Variants in LYPLA1 observed in about 807,000 individuals in gnomAD.
The protein encoded by LYPLA1 is acyl-protein thioesterase 1.
Under a neutral mutation model 34.0 loss-of-function variants are expected in LYPLA1, and 17 were observed. The ratio of observed to expected loss-of-function variants is 0.50; its 90% CI spans 0.34 to 0.75. LYPLA1 has a LOEUF of 0.75. LYPLA1 is among the 30% of genes least tolerant of loss of function. The pLI is 0.01. For synonymous variants in LYPLA1, 98 were observed against 100.8 expected, an observed-to-expected ratio of 0.97 and a Z score of 0.17; for missense variants, 203 against 288.8, an observed-to-expected ratio of 0.70 and a Z score of 2.15.
At chr8:54,063,890 C>A (rs1452435176) in intron 3 of LYPLA1, among the ~76,000 whole-genome samples, 1 of 152,098 alleles carries the variant, frequency 6.6e-6, no homozygotes, top group East Asian at 1.9e-4. Context: ...CAATTCAAGT[C>A]TGTGATTAAA....
At chr8:54,054,972 A>G (rs1413169839) in intron 6 of LYPLA1, 88 bp downstream of exon 6, 2 of 788,814 alleles carry the variant, frequency 2.5e-6, no homozygotes, top group Non-Finnish European at 4.2e-6. Flanking sequence ...ATAACATCAA[A>G]AAAGACTACT....
At chr8:54,092,967 C>T (rs1809419610) in intron 2 of LYPLA1, among the ~76,000 whole-genome samples, 1 of 152,120 alleles carries the variant, frequency 6.6e-6, no homozygotes, top group Non-Finnish European at 1.5e-5. Context: ...CATCCCCAAC[C>T]CCATTCATGT....
intron 2 of LYPLA1, among the ~76,000 whole-genome samples, chr8:54,078,520 T>C (rs1808069306): frequency 6.6e-6 from 1 of 152,186 alleles, no homozygotes; most frequent in African/African-American, 2.4e-5. Flanking sequence ...AACACATCCG[T>C]ACGCTGCTCA....
Position 54,052,177 on chromosome 8 carries a change from T to TA in LYPLA1, c.462+477dup, listed in dbSNP as rs1021543974. On this transcript the variant is annotated intron_variant, in intron 7 of 8. Transcript: ENST00000316963. ...AAAAATAAGTATGATTTCTATATGT[T>TA]AAAAAAAGTCCTAATTTTCATATAT... 5.3e-5 allele frequency among the ~76,000 whole-genome samples: 8 copies of TA among 152,202 alleles called. 1 individual carries two copies. Among genetic ancestry groups the TA allele is most frequent in the African/African-American group, 1.9e-4 (8 of 41,532 alleles).
chr8:54,079,271 C>T lies in LYPLA1; in HGVS notation c.102-13458G>A, dbSNP rs375497170. Among the ~76,000 whole-genome samples, 17 of 152,258 alleles carry T rather than the reference C, an allele frequency of 1.1e-4. No individual in the cohort carries two copies. In the South Asian group the frequency reaches 2.9e-3, roughly 26 times the overall value. On this transcript the variant is annotated intron_variant, in intron 2 of 8. Coordinates refer to ENST00000316963, the MANE Select transcript of LYPLA1 (RefSeq NM_006330.4). ...CTGGGATTACAGACCTAAGCCATCA[C>T]GCCCGTCCAGTTTTCTGTCTGATAA...
intron 2 of LYPLA1, chr8:54,072,970 C>A (rs922880526): frequency 4.6e-5 from 14 of 303,564 alleles, no homozygotes; most frequent in East Asian, 7.8e-5. Context: ...ATGTGGCCAA[C>A]AAGCATATGA....
chr8:54,065,837 T>C, intron 2 of LYPLA1, 24 bp from the exon 3 acceptor site: 1 of 1,553,266 alleles, frequency 6.4e-7, no homozygotes, highest in Non-Finnish European at 8.9e-7. Context: ...CATTGAATAA[T>C]GCTATTAGAC....
At chr8:54,075,072 T>G (rs1265015383) in intron 2 of LYPLA1, among the ~76,000 whole-genome samples, 1 of 152,106 alleles carries the variant, frequency 6.6e-6, no homozygotes, top group African/African-American at 2.4e-5. Context: ...AGAATGAATC[T>G]CTCCCTAAAA....
Position 54,046,647 on chromosome 8 carries a change from G to A in LYPLA1, c.*1418C>T, listed in dbSNP as rs1380955632. ...ACTAAATTATTTCCATTATCAATTA[G>A]CACCCATTTATAAAGATGCATTCTT... On this transcript the variant is annotated 3_prime_UTR_variant, in exon 9 of 9. Coordinates refer to ENST00000316963, the MANE Select transcript of LYPLA1 (RefSeq NM_006330.4). The A allele has an allele frequency of 9.2e-5, 14 of 152,442 alleles. No individual in the cohort carries two copies. Among genetic ancestry groups the A allele is most frequent in the Admixed American group, 1.3e-4 (2 of 15,262 alleles). 9.4% of individuals were successfully genotyped at this position (152,442 alleles called of 1,614,324 possible).
At chr8:54,089,784 T>C (rs2129361742) in intron 2 of LYPLA1, among the ~76,000 whole-genome samples, 2 of 152,222 alleles carry the variant, frequency 1.3e-5, no homozygotes, top group South Asian at 4.1e-4. Flanking sequence ...CTACCATGGC[T>C]GGCCAATTTT....
At chr8:54,089,859 A>G (rs1459449864) in intron 2 of LYPLA1, among the ~76,000 whole-genome samples, 2 of 151,758 alleles carry the variant, frequency 1.3e-5, no homozygotes, top group Non-Finnish European at 2.9e-5. Context: ...CTTACCTTGA[A>G]TTGTAATAAT....
In LYPLA1 at chr8:54,048,137, T is replaced by A; in HGVS notation, c.640-19A>T. ...TCATTTCCTGTTTGGAATAAAGTAA[T>A]TTAATAGGTAGGTAGTTATGTAAGT... On this transcript the variant is annotated intron_variant, in intron 8 of 8. Coordinates refer to ENST00000316963, the MANE Select transcript of LYPLA1 (RefSeq NM_006330.4). The A allele has an allele frequency of 6.6e-7, 1 of 1,514,104 alleles. No homozygotes were observed. Among genetic ancestry groups the A allele is most frequent in the Non-Finnish European group, 9.2e-7 (1 of 1,089,998 alleles). The allele number at this position is 1,514,104 out of a possible 1,614,324, so 93.8% of individuals were successfully genotyped here. A position where few individuals can be genotyped will look rare whatever the true frequency, so the allele number is the denominator to read the frequency against.
At chr8:54,051,233 T>C (rs1486900614) in intron 7 of LYPLA1, 45 bp from the exon 8 acceptor site, 5 of 1,475,900 alleles carry the variant, frequency 3.4e-6, no homozygotes, top group African/African-American at 2.8e-5. Flanking sequence ...TGTAAAAGTA[T>C]AGGACACTAT....
At position 54,101,481 on chromosome 8, in the gene LYPLA1, G is replaced by A. The variant is rs554336951; in HGVS notation, c.69+274C>T. On this transcript the variant is annotated intron_variant, in intron 1 of 8. Transcript: ENST00000316963. Reference sequence around the variant, plus strand: ...GCAGAAACACGCTGCAGAGGCTGACGCCGTGCCCTAGGCCGGCCCGCGGGG... The same window carrying A: ...GCAGAAACACGCTGCAGAGGCTGACACCGTGCCCTAGGCCGGCCCGCGGGG... The A allele has an allele frequency of 1.3e-3, 1,410 of 1,113,944 alleles. 6 individuals are homozygous for A. Among genetic ancestry groups the A allele is most frequent in the Middle Eastern group, 4.2e-3 (11 of 2,616 alleles). 69.0% of individuals were successfully genotyped at this position (1,113,944 alleles called of 1,614,324 possible).
chr8:54,070,577 G>A (rs1457859639), intron 2 of LYPLA1, among the ~76,000 whole-genome samples: 1 of 152,046 alleles, frequency 6.6e-6, no homozygotes, highest in African/African-American at 2.4e-5. Flanking sequence ...ACAAAAATTA[G>A]CCAGGCTTGA....
chr8:54,073,272 C>A (rs1188457713), intron 2 of LYPLA1: 7 of 886,128 alleles, frequency 7.9e-6, no homozygotes, highest in Admixed American at 5.1e-5. Flanking sequence ...GGGGAACCTG[C>A]ATGCTGGGGT....
chr8:54,064,572 T>C (rs1194596318), intron 3 of LYPLA1, among the ~76,000 whole-genome samples: 1 of 152,238 alleles, frequency 6.6e-6, no homozygotes, highest in African/African-American at 2.4e-5. Context: ...TTATCCAATC[T>C]TCTCAGCTGT....
At chr8:54,064,454 T>G (rs939123917) in intron 3 of LYPLA1, among the ~76,000 whole-genome samples, 1 of 152,192 alleles carries the variant, frequency 6.6e-6, no homozygotes, top group African/African-American at 2.4e-5. Flanking sequence ...TTCTGTCTCT[T>G]GCTTGAGCAG....
chr8:54,092,615 A>G (rs1809385767), intron 2 of LYPLA1, among the ~76,000 whole-genome samples: 1 of 152,188 alleles, frequency 6.6e-6, no homozygotes, highest in Non-Finnish European at 1.5e-5. Flanking sequence ...CTCCAACCAT[A>G]TTAATATAAA....
Sources: allele counts gnomAD v4.1 joint callset (sites outside exome capture counted in the v4.1 genomes callset), GRCh38; gene constraint gnomAD v4.1.1; transcripts MANE v1.5; gene names NCBI Gene and HGNC (gene_info 2026-07-23, HGNC 2026-07-21).